Variants in ARHGAP35 observed in about 807,000 individuals in gnomAD.
The protein encoded by ARHGAP35 is Rho GTPase activating protein 35.
Under a neutral mutation model 111.1 loss-of-function variants are expected in ARHGAP35, and 15 were observed. That is an observed-to-expected ratio of 0.13 (90% CI 0.09 to 0.21). ARHGAP35 has a LOEUF of 0.21. Among genes scored for constraint, ARHGAP35 ranks in the 10% least tolerant of loss-of-function variants. ARHGAP35 has a pLI of 1.00. For synonymous variants in ARHGAP35, 643 were observed against 710.3 expected, an observed-to-expected ratio of 0.91 and a Z score of 1.51; for missense variants, 1,262 against 1,873.0, an observed-to-expected ratio of 0.67 and a Z score of 6.02.
chr19:46,956,619 T>C (rs963204301), intron 3 of ARHGAP35, among the ~76,000 whole-genome samples: 29 of 152,198 alleles, frequency 1.9e-4, no homozygotes, highest in African/African-American at 6.5e-4. Context: ...TATATGCAAA[T>C]ATTCCAAATT....
chr19:46,919,950 C>T lies in ARHGAP35; in HGVS notation c.1275C>T (p.Asn425=), dbSNP rs374531706. The change falls in exon 2 of 7, where the codon AAC becomes AAT. Residue 425 remains asparagine, a synonymous_variant. Coordinates refer to ENST00000672722, the MANE Select transcript of ARHGAP35 (RefSeq NM_004491.5). The surrounding 1 kb of genome is among the most constrained non-coding windows in gnomAD (Gnocchi z 6.2). ...LYEAHLEKLR[N]ERKRVEMRRA... is the part of the protein sequence containing the mutation. ...AGGCCCACTTAGAGAAGCTGAGGAA[C>T]GAAAGGAAAAGAGTTGAGATGCGAA... 1.9e-5 allele frequency: 30 copies of T among 1,613,726 alleles called. No homozygotes were observed. The highest frequency in any genetic ancestry group is 1.8e-5 in the Non-Finnish European group (21 of 1,179,874).
rs1283617049 is a variant in ARHGAP35, at chr19:46,861,067, G to A, written c.-331G>A. Among the ~76,000 whole-genome samples the A allele has an allele frequency of 1.3e-5, 2 of 151,084 alleles. No homozygotes were observed. Among genetic ancestry groups the A allele is most frequent in the Admixed American group, 1.3e-4 (2 of 15,220 alleles). ...GGCGGAGGAGGGAACCCGCGAGGGA[G>A]GGTCCGCCCGGCCCCCCGCCGCCGG... On this transcript the variant is annotated 5_prime_UTR_variant, in exon 1 of 7. Coordinates refer to ENST00000672722, the MANE Select transcript of ARHGAP35 (RefSeq NM_004491.5).
chr19:47,001,292 A>G lies in ARHGAP35; in HGVS notation c.*604A>G. ...AGGATAGCTTTGTGCCTGGACCCAG[A>G]GAGTGTGGGACTCCCCGCTTCATCC... On this transcript the variant is annotated 3_prime_UTR_variant, in exon 7 of 7. Coordinates refer to ENST00000672722, the MANE Select transcript of ARHGAP35 (RefSeq NM_004491.5). The surrounding 1 kb of genome is among the most constrained non-coding windows in gnomAD (Gnocchi z 5.4). The G allele has an allele frequency of 7.8e-7, 1 of 1,290,310 alleles. No homozygotes were observed. The highest frequency in any genetic ancestry group is 1.5e-5 in the African/African-American group (1 of 65,998). 79.9% of individuals were successfully genotyped at this position (1,290,310 alleles called of 1,614,324 possible).
chr19:46,998,649 G>A (rs2056728865), intron 5 of ARHGAP35, among the ~76,000 whole-genome samples: 2 of 152,240 alleles, frequency 1.3e-5, no homozygotes. Context: ...ACTGGGCCTG[G>A]CGCGGGTTAC....
At chr19:46,885,623 C>T (rs900590806) in intron 1 of ARHGAP35, among the ~76,000 whole-genome samples, 7 of 152,090 alleles carry the variant, frequency 4.6e-5, no homozygotes, top group Admixed American at 2.0e-4. Flanking sequence ...GTTTCTCTCA[C>T]GGGAAGGTAT....
intron 3 of ARHGAP35, among the ~76,000 whole-genome samples, chr19:46,954,093 G>A (rs1426615520): frequency 6.6e-6 from 1 of 152,206 alleles, no homozygotes; most frequent in East Asian, 1.9e-4. Context: ...GACACGAGAA[G>A]GCAGCTGTCT....
intron 3 of ARHGAP35, among the ~76,000 whole-genome samples, chr19:46,950,483 AC>A (rs1568477077): frequency 6.6e-6 from 1 of 152,198 alleles, no homozygotes; most frequent in Non-Finnish European, 1.5e-5. Flanking sequence ...AGCATGTTGG[AC>A]ACAATGATTT....
intron 1 of ARHGAP35, among the ~76,000 whole-genome samples, chr19:46,887,085 ATGTT>A (rs1281887549): frequency 6.6e-6 from 1 of 152,030 alleles, no homozygotes; most frequent in Non-Finnish European, 1.5e-5. Flanking sequence ...CATCCGTCTC[ATGTT>A]TGTTAAATTT....
chr19:46,868,364 A>T (rs184085209), intron 1 of ARHGAP35, among the ~76,000 whole-genome samples: 1 of 152,046 alleles, frequency 6.6e-6, no homozygotes, highest in South Asian at 2.1e-4. Flanking sequence ...TTTATGGTCA[A>T]TTGTAAACAA....
rs1406237368 is a variant in ARHGAP35 at position 47,001,879 on chromosome 19, C to T, written c.*1191C>T. The T allele has an allele frequency of 5.6e-6, 1 of 177,280 alleles. No homozygotes were observed. Among genetic ancestry groups the T allele is most frequent in the African/African-American group, 2.4e-5 (1 of 41,970 alleles). 11.0% of individuals were successfully genotyped at this position (177,280 alleles called of 1,614,324 possible). A position where few individuals can be genotyped will look rare whatever the true frequency, so the allele number is the denominator to read the frequency against. Reference sequence around the variant, plus strand: ...ATCGTTTCATCCCAGCCATGGAGGCCACCAGCAGGAGTGTTCATGGGGATG... The same window carrying T: ...ATCGTTTCATCCCAGCCATGGAGGCTACCAGCAGGAGTGTTCATGGGGATG... On this transcript the variant is annotated 3_prime_UTR_variant, in exon 7 of 7. Coordinates refer to ENST00000672722, the MANE Select transcript of ARHGAP35 (RefSeq NM_004491.5). The surrounding 1 kb of genome is among the most constrained non-coding windows in gnomAD (Gnocchi z 5.4).
At chr19:46,957,072 C>T (rs2056443428) in intron 3 of ARHGAP35, among the ~76,000 whole-genome samples, 1 of 151,344 alleles carries the variant, frequency 6.6e-6, no homozygotes, top group Non-Finnish European at 1.5e-5. Flanking sequence ...CACCATTCTC[C>T]TGTCTCAGCC....
chr19:46,991,683 G>C (rs139806612), intron 5 of ARHGAP35, among the ~76,000 whole-genome samples: 3 of 152,220 alleles, frequency 2.0e-5, no homozygotes, highest in African/African-American at 7.2e-5. Context: ...CACCTCTCCC[G>C]GCCATAGCAG....
At chr19:46,973,471 C>T (rs962347963) in intron 3 of ARHGAP35, among the ~76,000 whole-genome samples, 2 of 151,126 alleles carry the variant, frequency 1.3e-5, no homozygotes, top group South Asian at 2.1e-4. Flanking sequence ...CGGGTGGATC[C>T]GAGATCAGGA....
chr19:46,925,622 G>A (rs761548025), intron 2 of ARHGAP35, among the ~76,000 whole-genome samples: 23 of 152,186 alleles, frequency 1.5e-4, no homozygotes, highest in Admixed American at 7.2e-4. Flanking sequence ...CTGAAAATAG[G>A]TGGCCTGCCC....
At position 47,002,120 on chromosome 19, in the gene ARHGAP35, C is replaced by T. The variant is rs1411641250; in HGVS notation, c.*1432C>T. The T allele has an allele frequency of 6.5e-6, 1 of 152,850 alleles. No homozygotes were observed. Among genetic ancestry groups the T allele is most frequent in the Non-Finnish European group, 1.5e-5 (1 of 68,180 alleles). 9.5% of individuals were successfully genotyped at this position (152,850 alleles called of 1,614,324 possible). A position where few individuals can be genotyped will look rare whatever the true frequency, so the allele number is the denominator to read the frequency against. On this transcript the variant is annotated 3_prime_UTR_variant, in exon 7 of 7. Coordinates refer to ENST00000672722, the MANE Select transcript of ARHGAP35 (RefSeq NM_004491.5). Reference sequence around the variant, plus strand: ...ATGGCTGGGCTGTGGCCTCTGCGGCCAGGAAGCCTGACACTAGGCACCCCC... The same window carrying T: ...ATGGCTGGGCTGTGGCCTCTGCGGCTAGGAAGCCTGACACTAGGCACCCCC...
At chr19:46,955,670 C>T (rs1282649226) in intron 3 of ARHGAP35, among the ~76,000 whole-genome samples, 2 of 152,016 alleles carry the variant, frequency 1.3e-5, no homozygotes, top group East Asian at 3.9e-4. Flanking sequence ...GTATTTGTGG[C>T]AGGAAGCTTT....
At position 46,952,480 on chromosome 19, in the gene ARHGAP35, T is replaced by C. The variant is rs372624908; in HGVS notation, c.3826+15072T>C. On this transcript the variant is annotated intron_variant, in intron 3 of 6. Coordinates refer to ENST00000672722, the MANE Select transcript of ARHGAP35 (RefSeq NM_004491.5). ...TCCAAAAGAGCATTTAAGAAGTCAGTAATTCTCAAATGTGCAAAGTATTTC... is the reference window on the plus strand; with the variant it reads ...TCCAAAAGAGCATTTAAGAAGTCAGCAATTCTCAAATGTGCAAAGTATTTC... 7.9e-5 allele frequency among the ~76,000 whole-genome samples: 12 copies of C among 152,346 alleles called. No individual in the cohort carries two copies. In the South Asian group the frequency reaches 1.4e-3, roughly 18 times the overall value.
intron 3 of ARHGAP35, among the ~76,000 whole-genome samples, chr19:46,982,937 G>A (rs189014019): frequency 1.0e-4 from 15 of 150,624 alleles, no homozygotes; most frequent in East Asian, 5.9e-4. Context: ...ATAGTCCCTC[G>A]CAGCTACTCA....
intron 3 of ARHGAP35, among the ~76,000 whole-genome samples, chr19:46,983,606 CTTTTTTTTTTTTT>C (rs11383795): frequency 2.9e-5 from 2 of 69,270 alleles, no homozygotes; most frequent in East Asian, 9.3e-4. Flanking sequence ...AATGTCCATT[CTTTTTTTTTTTTT>C]TTTTTTTTTT....
Sources: allele counts gnomAD v4.1 joint callset (sites outside exome capture counted in the v4.1 genomes callset), GRCh38; gene constraint gnomAD v4.1.1; non-coding constraint Gnocchi (gnomAD v3.1); transcripts MANE v1.5; gene names NCBI Gene and HGNC (gene_info 2026-07-23, HGNC 2026-07-21).